RP1L1: variants seen among roughly 807,000 people sequenced by gnomAD.
RP1L1 encodes the protein retinitis pigmentosa 1-like 1 protein.
RP1L1 carries 27 observed loss-of-function variants against 15.7 expected under a neutral mutation model. The observed-to-expected ratio is 1.72, with a 90% CI of 1.27 to 2.38. RP1L1 has a LOEUF of 2.38. RP1L1 is among the 30% of genes most tolerant of loss of function. RP1L1 has a pLI of 0.00. For missense variants in RP1L1, 4,798 were observed against 3,075.9 expected, an observed-to-expected ratio of 1.56 and a Z score of -13.24; for synonymous variants, 1,813 against 1,276.7, an observed-to-expected ratio of 1.42 and a Z score of -8.96.
At chr8:10,625,421 A>C (rs543187201) in intron 1 of RP1L1, among the ~76,000 whole-genome samples, 1 of 107,864 alleles carries the variant, frequency 9.3e-6, no homozygotes, top group South Asian at 3.2e-4. Flanking sequence ...CACAGGGAAG[A>C]GGGGGCCAGG....
rs1271952289 is a variant in RP1L1 at position 10,607,191 on chromosome 8, C to T, written c.6907G>A (p.Ala2303Thr). 2 of 1,614,226 alleles carry T rather than the reference C, an allele frequency of 1.2e-6. No individual in the cohort carries two copies. The highest frequency in any genetic ancestry group is 1.6e-4 in the Middle Eastern group (1 of 6,062). Reference sequence around the variant, plus strand: ...TGCCAGCAGTTGCCCCAAGAGGATGCTCTGGAGGAGGAAGGGCCTGTTTGG... The same window carrying T: ...TGCCAGCAGTTGCCCCAAGAGGATGTTCTGGAGGAGGAAGGGCCTGTTTGG... ...GSQTGPSSSR[A>T]SSWGNCWQKD... Residue 2303 changes from alanine to threonine, a missense_variant, in exon 4 of 4, where the codon GCA (alanine) becomes ACA (threonine). By Grantham distance (58) the Ala-to-Thr change is moderately conservative. Transcript: ENST00000382483.
chr8:10,637,238 A>C (rs1585994917), intron 1 of RP1L1, among the ~76,000 whole-genome samples: 1 of 151,976 alleles, frequency 6.6e-6, no homozygotes, highest in Non-Finnish European at 1.5e-5. Context: ...ACAGTCCCCA[A>C]CCTCCCAGGC....
rs752521981 is a variant in RP1L1 at position 10,609,141 on chromosome 8, C to T, written c.4957G>A (p.Gly1653Arg). 2.5e-6 allele frequency: 4 copies of T among 1,613,640 alleles called. No individual in the cohort carries two copies. In the South Asian group the frequency reaches 3.3e-5, roughly 13 times the overall value. ...LGSQLGEEAE[G>R]EEFCPCEACV... Reference sequence around the variant, plus strand: ...GCCTCGCAGGGACAGAACTCCTCCCCCTCCGCCTCCTCGCCCAGCTGGCTC... The same window carrying T: ...GCCTCGCAGGGACAGAACTCCTCCCTCTCCGCCTCCTCGCCCAGCTGGCTC... The change falls in exon 4 of 4, where the codon GGG (glycine) becomes AGG (arginine). Residue 1653 changes from glycine to arginine, a missense_variant. Gly to Arg is a moderately radical substitution (Grantham distance 125). Coordinates refer to ENST00000382483, the MANE Select transcript of RP1L1 (RefSeq NM_178857.6).
chr8:10,609,091 A>T lies in RP1L1; in HGVS notation c.5007T>A (p.Pro1669=), dbSNP rs766525285. Residue 1669 remains proline, a synonymous_variant, in exon 4 of 4, where the codon CCT becomes CCA. Coordinates refer to ENST00000382483, the MANE Select transcript of RP1L1 (RefSeq NM_178857.6). ...CCCCCATTGTGGCCTTGGGGGACAT[A>T]GGGCTCACTTTCTTCCTCACGCAGG... The part of the protein sequence containing the change: ...CEACVRKKVS[P]MSPKATMGAT... 1 of 1,613,592 alleles carries T rather than the reference A, an allele frequency of 6.2e-7. No homozygotes were observed. The highest frequency in any genetic ancestry group is 8.5e-7 in the Non-Finnish European group (1 of 1,179,638).
At position 10,610,203 on chromosome 8, in the gene RP1L1, C is replaced by T; in HGVS notation, c.3895G>A (p.Glu1299Lys). The T allele has an allele frequency of 7.2e-7, 1 of 1,392,828 alleles. No homozygotes were observed. Among genetic ancestry groups the T allele is most frequent in the Non-Finnish European group, 9.6e-7 (1 of 1,036,784 alleles). The allele number at this position is 1,392,828 out of a possible 1,614,324, so 86.3% of individuals were successfully genotyped here. Residue 1299 changes from glutamate to lysine, a missense_variant, in exon 4 of 4, where the codon GAA (glutamate) becomes AAA (lysine). By Grantham distance (56) the Glu-to-Lys change is moderately conservative (BLOSUM62 1). Transcript: ENST00000382483. ...TTAGTTTCCTCTAATTGCACCTCTT[C>T]TTGCACTGTGTTTTCAGCTAACTGC... ...LEQLAENTVQ[E>K]EVQLEETKEG...
At chr8:10,614,872 T>C (rs1225220776) in intron 3 of RP1L1, among the ~76,000 whole-genome samples, 2 of 152,140 alleles carry the variant, frequency 1.3e-5, no homozygotes. Context: ...CATGTATACA[T>C]ATGTAACAAA....
intron 1 of RP1L1, among the ~76,000 whole-genome samples, chr8:10,644,995 C>G (rs1482947845): frequency 6.6e-6 from 1 of 152,184 alleles, no homozygotes; most frequent in African/African-American, 2.4e-5. Context: ...CATTGTTTGA[C>G]ACAACTTCAG....
intron 1 of RP1L1, among the ~76,000 whole-genome samples, chr8:10,634,055 TACA>T (rs1798293073): frequency 1.3e-5 from 2 of 152,202 alleles, no homozygotes; most frequent in East Asian, 1.9e-4. Context: ...CCTCAGCTCC[TACA>T]ACAAGGCAGA....
chr8:10,617,543 TTTC>T (rs1178250621), intron 2 of RP1L1, among the ~76,000 whole-genome samples: 19 of 138,172 alleles, frequency 1.4e-4, no homozygotes, highest in African/African-American at 4.3e-4. Context: ...TCTGTTTCTT[TTTC>T]TTTTTTTTTT....
intron 1 of RP1L1, among the ~76,000 whole-genome samples, chr8:10,626,528 T>C (rs1017335745): frequency 8.5e-5 from 13 of 152,172 alleles, no homozygotes; most frequent in African/African-American, 2.7e-4. Context: ...CCACACGGGC[T>C]GCATGGGGTC....
intron 1 of RP1L1, 22 bp from the exon 2 acceptor site, chr8:10,623,242 G>C (rs770486432): frequency 2.0e-6 from 3 of 1,509,160 alleles, no homozygotes; most frequent in South Asian, 1.3e-5. Flanking sequence ...CAGAGGAAGA[G>C]GGGTCAGAGA....
rs151054713 is a variant in RP1L1 at position 10,611,789 on chromosome 8, G to A, written c.2309C>T (p.Thr770Ile). ...AGWAGDAGSR[T>I]CSPAPIPPHT... is the part of the protein sequence containing the mutation. Reference sequence around the variant, plus strand: ...GGGAGGTATGGGGGCCGGCGAGCATGTCCTGGACCCCGCGTCCCCTGCCCA... The same window carrying A: ...GGGAGGTATGGGGGCCGGCGAGCATATCCTGGACCCCGCGTCCCCTGCCCA... The change falls in exon 4 of 4, where the codon ACA becomes ATA. Residue 770 changes from threonine to isoleucine, a missense_variant. Transcript: ENST00000382483. The A allele has an allele frequency of 3.1e-6, 5 of 1,613,582 alleles. No individual in the cohort carries two copies. Among genetic ancestry groups the A allele is most frequent in the Non-Finnish European group, 4.2e-6 (5 of 1,180,034 alleles).
chr8:10,636,113 A>G (rs2117249651), intron 1 of RP1L1, among the ~76,000 whole-genome samples: 1 of 152,364 alleles, frequency 6.6e-6, no homozygotes, highest in East Asian at 1.9e-4. Flanking sequence ...TCTGGACTTC[A>G]GTTCCCTCAT....
At chr8:10,625,279 C>G (rs1338085911) in intron 1 of RP1L1, among the ~76,000 whole-genome samples, 1 of 152,192 alleles carries the variant, frequency 6.6e-6, no homozygotes, top group East Asian at 1.9e-4. Context: ...TCCACCATCT[C>G]AGGAATCAGG....
At chr8:10,630,181 G>T (rs1798219863) in intron 1 of RP1L1, among the ~76,000 whole-genome samples, 1 of 152,230 alleles carries the variant, frequency 6.6e-6, no homozygotes, top group South Asian at 2.1e-4. Context: ...CCCCAGCTGG[G>T]AGTGCAGTGG....
chr8:10,608,210 G>A lies in RP1L1; in HGVS notation c.5888C>T (p.Ser1963Phe), dbSNP rs1797748950. 2.5e-6 allele frequency: 4 copies of A among 1,577,326 alleles called. No individual in the cohort carries two copies. Among genetic ancestry groups the A allele is most frequent in the Non-Finnish European group, 3.4e-6 (4 of 1,162,720 alleles). Residue 1963 changes from serine to phenylalanine, a missense_variant, in exon 4 of 4, where the codon TCC becomes TTC. Ser to Phe is a radical substitution (Grantham distance 155). Transcript: ENST00000382483. Reference protein sequence around the residue: ...QTQPESEVIESQEAEEEAQPE... With the variant: ...QTQPESEVIEFQEAEEEAQPE... ...CTGGGCTTCCTCTTCTGCCTCCTGGGACTCTATAACTTCTGACTCTGGCTG... is the reference window on the plus strand; with the variant it reads ...CTGGGCTTCCTCTTCTGCCTCCTGGAACTCTATAACTTCTGACTCTGGCTG...
rs759486933 is a variant in RP1L1, at chr8:10,612,127, G to C, written c.1971C>G (p.Gly657=). The part of the protein sequence containing the change: ...AMSSPSSPGL[G]RVAPRGHPRH... ...TGGGATGGCCTCTCGGGGCCACTCG[G>C]CCAAGGCCAGGGCTGCTGGGTGAGG... Residue 657 remains glycine, a synonymous_variant, in exon 4 of 4, where the codon GGC becomes GGG. Coordinates refer to ENST00000382483, the MANE Select transcript of RP1L1 (RefSeq NM_178857.6). 17 of 1,613,576 alleles carry C rather than the reference G, an allele frequency of 1.1e-5. No individual in the cohort carries two copies. Among genetic ancestry groups the C allele is most frequent in the African/African-American group, 1.3e-5 (1 of 74,946 alleles).
intron 1 of RP1L1, among the ~76,000 whole-genome samples, chr8:10,642,792 G>T (rs1798425751): frequency 6.6e-6 from 1 of 152,156 alleles, no homozygotes; most frequent in Non-Finnish European, 1.5e-5. Context: ...AATCAAAAGA[G>T]CAGAGAATGT....
intron 1 of RP1L1, among the ~76,000 whole-genome samples, chr8:10,638,920 G>A (rs1019710254): frequency 2.6e-5 from 4 of 152,080 alleles, no homozygotes; most frequent in Non-Finnish European, 5.9e-5. Context: ...TGAAGCCAGC[G>A]GATCACTTGA....
Sources: allele counts gnomAD v4.1 joint callset (sites outside exome capture counted in the v4.1 genomes callset), GRCh38; gene constraint gnomAD v4.1.1; transcripts MANE v1.5; gene names NCBI Gene and HGNC (gene_info 2026-07-23, HGNC 2026-07-21).